Variants in DIP2A observed in about 807,000 individuals in gnomAD.
DIP2A encodes the protein disco-interacting protein 2 homolog A.
DIP2A carries 85 observed loss-of-function variants against 177.4 expected under a neutral mutation model. That is an observed-to-expected ratio of 0.48 (90% CI 0.40 to 0.57). The LOEUF is 0.57. Ranked by LOEUF, DIP2A falls within the 20% of genes least tolerant of loss-of-function variation. DIP2A has a pLI of 0.00. For synonymous variants in DIP2A, 886 were observed against 881.8 expected (o/e 1.00, Z -0.08); for missense variants, 1,791 against 2,100.2 (o/e 0.85, Z 2.88).
chr21:46,540,876 G>A (rs148863150), intron 17 of DIP2A, among the ~76,000 whole-genome samples: 9,041 of 151,968 alleles, frequency 0.059, 334 homozygotes, highest in Non-Finnish European at 0.082. Context: ...TTAGCCAGGC[G>A]TGGTGGCAGG....
intron 19 of DIP2A, 120 bp downstream of exon 19, chr21:46,545,393 G>A: frequency 1.6e-6 from 2 of 1,220,260 alleles, no homozygotes; most frequent in Non-Finnish European, 2.3e-6. Flanking sequence ...TTCCACACAG[G>A]CGCTGCTGGG....
chr21:46,556,218 T>G lies in DIP2A; in HGVS notation c.3498+127T>G, dbSNP rs1361716304. ...CAAAGCACAAAGCAACAATTTTGCTTCTTAAGATTTGTGTTAAATACCAAT... is the reference window on the plus strand; with the variant it reads ...CAAAGCACAAAGCAACAATTTTGCTGCTTAAGATTTGTGTTAAATACCAAT... On this transcript the variant is annotated intron_variant, in intron 29 of 37. Coordinates refer to ENST00000417564, the MANE Select transcript of DIP2A (RefSeq NM_015151.4). This position sits in a 1 kb window ranked among gnomAD's most constrained non-coding sequence, Gnocchi z 4.5. The G allele has an allele frequency of 2.1e-6, 3 of 1,420,398 alleles. No individual in the cohort carries two copies. Among genetic ancestry groups the G allele is most frequent in the Non-Finnish European group, 2.9e-6 (3 of 1,021,952 alleles). The allele number at this position is 1,420,398 out of a possible 1,614,324, so 88.0% of individuals were successfully genotyped here.
intron 5 of DIP2A, among the ~76,000 whole-genome samples, chr21:46,503,870 C>T (rs1601554518): frequency 6.6e-6 from 1 of 152,114 alleles, no homozygotes; most frequent in African/African-American, 2.4e-5. Context: ...GGATTACAGG[C>T]ATGTGCCACG....
chr21:46,551,914 T>C lies in DIP2A; in HGVS notation c.3030+10T>C, dbSNP rs1190074050. Reference sequence around the variant, plus strand: ...GCTGCTGAACGCCAAGGTGAGGCAGTGTCACGCCCACGGGGCTTGGAAACA... The same window carrying C: ...GCTGCTGAACGCCAAGGTGAGGCAGCGTCACGCCCACGGGGCTTGGAAACA... On this transcript the variant is annotated intron_variant, in intron 25 of 37. Coordinates refer to ENST00000417564, the MANE Select transcript of DIP2A (RefSeq NM_015151.4). The C allele has an allele frequency of 3.8e-6, 6 of 1,594,350 alleles. No homozygotes were observed. Among genetic ancestry groups the C allele is most frequent in the Non-Finnish European group, 5.1e-6 (6 of 1,171,894 alleles).
chr21:46,476,516 G>A (rs1262287278), intron 1 of DIP2A, among the ~76,000 whole-genome samples: 1 of 152,198 alleles, frequency 6.6e-6, no homozygotes, highest in Non-Finnish European at 1.5e-5. Context: ...TCAGGAAAAG[G>A]AGGGAAATGG....
chr21:46,490,008 G>A (rs536728859), intron 2 of DIP2A, among the ~76,000 whole-genome samples: 1 of 152,182 alleles, frequency 6.6e-6, no homozygotes, highest in Non-Finnish European at 1.5e-5. Context: ...AGTGGGTGGT[G>A]CGGCGAGGGC....
chr21:46,567,652 T>G lies in DIP2A; in HGVS notation c.*30T>G. On this transcript the variant is annotated 3_prime_UTR_variant, in exon 38 of 38. Coordinates refer to ENST00000417564, the MANE Select transcript of DIP2A (RefSeq NM_015151.4). ...AGCACACCGGCCCAGGTGCCGGAGA[T>G]GAATGAGCCCCAGCAGTCCAAGGTG... The G allele has an allele frequency of 6.4e-7, 1 of 1,556,654 alleles. No individual in the cohort carries two copies. Among genetic ancestry groups the G allele is most frequent in the Non-Finnish European group, 8.7e-7 (1 of 1,149,214 alleles).
chr21:46,472,176 T>A (rs996910399), intron 1 of DIP2A, among the ~76,000 whole-genome samples: 1 of 152,158 alleles, frequency 6.6e-6, no homozygotes, highest in Non-Finnish European at 1.5e-5. Flanking sequence ...CCAGGGATAT[T>A]TGTGCATAGA....
At chr21:46,525,412 C>T (rs906776388) in intron 8 of DIP2A, among the ~76,000 whole-genome samples, 1 of 152,176 alleles carries the variant, frequency 6.6e-6, no homozygotes, top group Non-Finnish European at 1.5e-5. Flanking sequence ...AGCCCTTGCC[C>T]CACTCTTCTG....
intron 25 of DIP2A, 95 bp from the exon 26 acceptor site, chr21:46,554,074 G>T: frequency 6.9e-7 from 1 of 1,457,098 alleles, no homozygotes; most frequent in South Asian, 1.3e-5. Flanking sequence ...ACAAGGTGTC[G>T]TGTGCAGTGG....
At chr21:46,542,837 C>T (rs1225340291) in intron 18 of DIP2A, among the ~76,000 whole-genome samples, 1 of 152,220 alleles carries the variant, frequency 6.6e-6, no homozygotes, top group South Asian at 2.1e-4. Flanking sequence ...GCAGGCACTG[C>T]GAGAGGCTCA....
chr21:46,560,877 C>A (rs1438608086), intron 33 of DIP2A, 94 bp downstream of exon 33: 1 of 1,521,056 alleles, frequency 6.6e-7, no homozygotes, highest in African/African-American at 1.4e-5. Flanking sequence ...GGGACCCAGG[C>A]ATTAGAGGAC....
intron 6 of DIP2A, 142 bp downstream of exon 6, chr21:46,504,631 G>A: frequency 9.8e-7 from 1 of 1,015,554 alleles, no homozygotes; most frequent in Non-Finnish European, 1.4e-6. Flanking sequence ...AGAAACCAGT[G>A]TGTGCAGTTA....
intron 1 of DIP2A, among the ~76,000 whole-genome samples, chr21:46,473,631 T>C (rs1363723655): frequency 1.3e-5 from 2 of 152,186 alleles, no homozygotes; most frequent in Non-Finnish European, 2.9e-5. Context: ...TTCTCCTGCC[T>C]CAGCCTCCCA....
downstream of DIP2A, among the ~76,000 whole-genome samples, chr21:46,570,309 AATGGAC>A (rs57362053): frequency 0.13 from 19,894 of 152,074 alleles, 1,801 homozygotes; most frequent in African/African-American, 0.26. Flanking sequence ...TAATGTTGGC[AATGGAC>A]ATGTGCTCAA....
At chr21:46,514,617 C>CCT (rs2058468475) in intron 8 of DIP2A, among the ~76,000 whole-genome samples, 25 of 70,526 alleles carry the variant, frequency 3.5e-4, no homozygotes, top group African/African-American at 1.4e-3. Context: ...AACTTTTATT[C>CCT]TTTTTTTTTT....
chr21:46,532,840 T>C (rs1311472084), intron 10 of DIP2A, among the ~76,000 whole-genome samples: 5 of 152,088 alleles, frequency 3.3e-5, no homozygotes, highest in African/African-American at 1.2e-4. Context: ...TGAAAAAAAA[T>C]AGACAAGGCA....
chr21:46,492,773 T>C (rs906317760), intron 3 of DIP2A, among the ~76,000 whole-genome samples: 1 of 152,154 alleles, frequency 6.6e-6, no homozygotes, highest in Non-Finnish European at 1.5e-5. Context: ...AAACCCCATC[T>C]CTACTAAAAA....
chr21:46,575,538 T>C, the DIP2A span, among the ~76,000 whole-genome samples: 1 of 152,092 alleles, frequency 6.6e-6, no homozygotes, highest in East Asian at 1.9e-4. Context: ...CAAAAAAAAG[T>C]AGCACTAATA....
Sources: allele counts gnomAD v4.1 joint callset (sites outside exome capture counted in the v4.1 genomes callset), GRCh38; gene constraint gnomAD v4.1.1; non-coding constraint Gnocchi (gnomAD v3.1); transcripts MANE v1.5; gene names NCBI Gene and HGNC (gene_info 2026-07-23, HGNC 2026-07-21).